TRIM69: variants seen among roughly 807,000 people sequenced by gnomAD.
TRIM69 encodes tripartite motif containing 69.
In TRIM69, 29 loss-of-function variants were observed where a neutral mutation model predicts 37.7. That is an observed-to-expected ratio of 0.77 (90% CI 0.57 to 1.05). The LOEUF is 1.05. Ranked by LOEUF, TRIM69 falls within the 50% of genes least tolerant of loss-of-function variation. The pLI, the probability that TRIM69 is intolerant of heterozygous loss-of-function variation, is 0.00. For synonymous variants in TRIM69, 209 were observed against 212.4 expected (o/e 0.98, Z 0.14); for missense variants, 596 against 579.9 (o/e 1.03, Z -0.28).
chr15:44,761,079 G>A (rs1373275932), intron 6 of TRIM69, among the ~76,000 whole-genome samples: 10 of 151,806 alleles, frequency 6.6e-5, no homozygotes, highest in Non-Finnish European at 1.3e-4. Flanking sequence ...CACCATGCCC[G>A]GCTAATTTTT....
At chr15:44,747,384 A>G (rs1350576399) in intron 1 of TRIM69, among the ~76,000 whole-genome samples, 2 of 152,186 alleles carry the variant, frequency 1.3e-5, no homozygotes, top group Non-Finnish European at 2.9e-5. Flanking sequence ...TCCTCATACA[A>G]GTCTCTTGCA....
chr15:44,753,838 C>T (rs1450781473), intron 1 of TRIM69: 2 of 152,106 alleles, frequency 1.3e-5, no homozygotes, highest in African/African-American at 4.8e-5. Flanking sequence ...TCTCAACCTC[C>T]CAAGTAGCAG....
At chr15:44,744,291 C>G (rs1448857348) in intron 1 of TRIM69, among the ~76,000 whole-genome samples, 1 of 116,736 alleles carries the variant, frequency 8.6e-6, no homozygotes, top group African/African-American at 3.4e-5. Flanking sequence ...GAACATCACA[C>G]TCTGGGGACT....
intron 3 of TRIM69, chr15:44,757,136 T>C (rs2087667644): frequency 6.6e-6 from 1 of 152,232 alleles, no homozygotes; most frequent in Non-Finnish European, 1.5e-5. Flanking sequence ...GAAGGATATA[T>C]GGAAGTAATG....
chr15:44,747,076 A>G (rs2087423990), intron 1 of TRIM69, among the ~76,000 whole-genome samples: 2 of 152,190 alleles, frequency 1.3e-5, no homozygotes, highest in Admixed American at 1.3e-4. Context: ...TACTTTTCCA[A>G]AGAAAGTACC....
At chr15:44,739,409 G>A (rs1177832974) in intron 1 of TRIM69, among the ~76,000 whole-genome samples, 2 of 152,232 alleles carry the variant, frequency 1.3e-5, no homozygotes, top group Non-Finnish European at 1.5e-5. Context: ...CCGTGCGTGA[G>A]CCGAAGCAGG....
chr15:44,755,308 G>C lies in TRIM69; in HGVS notation c.415G>C (p.Asp139His). The change falls in exon 2 of 7, where the codon GAT becomes CAT. Residue 139 changes from aspartate to histidine, a missense_variant. Asp to His is a moderately conservative substitution (Grantham distance 81). Transcript: ENST00000329464. Reference sequence around the variant, plus strand: ...GAAACTGATCTGCTTTCAATGCAAGGATGCTCGGTTGTCTGTGGGGCAGTC... The same window carrying C: ...GAAACTGATCTGCTTTCAATGCAAGCATGCTCGGTTGTCTGTGGGGCAGTC... The part of the protein sequence containing the change: ...DGKLICFQCK[D>H]ARLSVGQSKE... The C allele has an allele frequency of 6.2e-7, 1 of 1,614,108 alleles. No individual in the cohort carries two copies. The highest frequency in any genetic ancestry group is 1.7e-5 in the Admixed American group (1 of 60,008).
Position 44,755,368 on chromosome 15 carries a change from T to G in TRIM69, c.475T>G (p.Phe159Val). The change falls in exon 2 of 7, where the codon TTC becomes GTC. Residue 159 changes from phenylalanine (F) to valine (V), a missense_variant. Phe to Val is a conservative substitution (Grantham distance 50). Coordinates refer to ENST00000329464, the MANE Select transcript of TRIM69 (RefSeq NM_182985.5). Reference protein sequence around the residue: ...EFLQISDAVHFFTEELAIQQG... With the variant: ...EFLQISDAVHVFTEELAIQQG... Reference sequence around the variant, plus strand: ...CCTGCAAATCTCTGATGCTGTCCATTTCTTCACGGTGGGTGAGCCCTGGGC... The same window carrying G: ...CCTGCAAATCTCTGATGCTGTCCATGTCTTCACGGTGGGTGAGCCCTGGGC... 3 of 1,612,120 alleles carry G rather than the reference T, an allele frequency of 1.9e-6. No homozygotes were observed. Among genetic ancestry groups the G allele is most frequent in the South Asian group, 2.2e-5 (2 of 91,018 alleles).
chr15:44,754,079 T>G (rs1317364924), intron 1 of TRIM69: 1 of 151,792 alleles, frequency 6.6e-6, no homozygotes, highest in East Asian at 1.9e-4. Context: ...GTCTGTTTGA[T>G]AGTGTCTTGT....
intron 1 of TRIM69, among the ~76,000 whole-genome samples, chr15:44,737,585 G>T (rs575652315): frequency 6.6e-6 from 1 of 152,328 alleles, no homozygotes; most frequent in East Asian, 1.9e-4. Context: ...TTCAGGCAGA[G>T]GTTGGAAAGG....
At chr15:44,764,795 C>A (rs2087851916) in intron 6 of TRIM69, among the ~76,000 whole-genome samples, 1 of 152,094 alleles carries the variant, frequency 6.6e-6, no homozygotes, top group African/African-American at 2.4e-5. Flanking sequence ...AAAAAGCATT[C>A]TAGGACAAGG....
intron 1 of TRIM69, among the ~76,000 whole-genome samples, chr15:44,749,408 G>T (rs1198667775): frequency 6.6e-6 from 1 of 152,060 alleles, no homozygotes; most frequent in Non-Finnish European, 1.5e-5. Context: ...CTTCTCTCCA[G>T]CCCTGGCAAC....
At chr15:44,755,420 G>C in intron 2 of TRIM69, 44 bp downstream of exon 2, 2 of 1,413,716 alleles carry the variant, frequency 1.4e-6, no homozygotes, top group East Asian at 2.3e-5. Flanking sequence ...GAAAAACTAG[G>C]AAAAATATTT....
In TRIM69 at chr15:44,756,240, AG is replaced by A. The variant is rs35435784; in HGVS notation, c.484-124del. ...TTGAACGAGACAAGAACTATGATAC[AG>A]GGGAAGGGGAAGATTTTTGCAGCAA... On this transcript the variant is annotated intron_variant, in intron 2 of 6. Coordinates refer to ENST00000329464, the MANE Select transcript of TRIM69 (RefSeq NM_182985.5). 3 of 624,106 alleles carry A rather than the reference AG, an allele frequency of 4.8e-6. No individual in the cohort carries two copies. The South Asian group carries it at 6.0e-5, about 12-fold the overall frequency. 38.7% of individuals were successfully genotyped at this position (624,106 alleles called of 1,614,324 possible).
At chr15:44,739,653 G>A (rs2087238253) in intron 1 of TRIM69, among the ~76,000 whole-genome samples, 1 of 152,184 alleles carries the variant, frequency 6.6e-6, no homozygotes, top group Non-Finnish European at 1.5e-5. Flanking sequence ...AGATCAAACT[G>A]CAAGGCGGCA....
chr15:44,739,621 T>A (rs1451742610), intron 1 of TRIM69, among the ~76,000 whole-genome samples: 2 of 152,198 alleles, frequency 1.3e-5, no homozygotes, highest in Non-Finnish European at 2.9e-5. Flanking sequence ...GGAGTCTCGC[T>A]GATTGCTAGC....
At chr15:44,763,913 A>G (rs959623218) in intron 6 of TRIM69, among the ~76,000 whole-genome samples, 5 of 152,162 alleles carry the variant, frequency 3.3e-5, no homozygotes, top group Admixed American at 6.6e-5. Context: ...TTGACATATT[A>G]CGACATTTTT....
chr15:44,744,976 G>GA (rs141768512), intron 1 of TRIM69, among the ~76,000 whole-genome samples: 10,645 of 151,522 alleles, frequency 0.07, 435 homozygotes, highest in African/African-American at 0.11. Flanking sequence ...AAAGGCTGGG[G>GA]AAAGAGTTAT....
intron 4 of TRIM69, among the ~76,000 whole-genome samples, chr15:44,759,262 A>T (rs186119493): frequency 2.6e-5 from 4 of 152,330 alleles, no homozygotes; most frequent in South Asian, 4.1e-4. Flanking sequence ...ACCTCTAAAG[A>T]AGCGTTGGTT....
Sources: gnomAD v4.1 joint callset for allele counts (sites outside exome capture counted in the v4.1 genomes callset) on GRCh38, gnomAD v4.1.1 for gene constraint, MANE v1.5 for transcripts, NCBI Gene and HGNC (gene_info 2026-07-23, HGNC 2026-07-21) for gene names.